Variants in CLHC1 observed in about 807,000 individuals in gnomAD.
The protein encoded by CLHC1 is clathrin heavy chain linker domain-containing protein 1.
In CLHC1, 72 loss-of-function variants were observed where a neutral mutation model predicts 69.5. The ratio of observed to expected loss-of-function variants is 1.04; its 90% CI spans 0.86 to 1.26. The LOEUF is 1.26. CLHC1 is among the 50% of genes most tolerant of loss of function. The probability of loss-of-function intolerance (pLI) is 0.00; values close to 1 mark genes in which losing one functional copy is unlikely to be tolerated. For synonymous variants in CLHC1, 223 were observed against 224.3 expected (o/e 0.99, Z 0.05); for missense variants, 790 against 679.3 (o/e 1.16, Z -1.81).
At chr2:55,192,886 GA>G (rs1671059878) in intron 9 of CLHC1, among the ~76,000 whole-genome samples, 1 of 146,858 alleles carries the variant, frequency 6.8e-6, no homozygotes, top group African/African-American at 2.5e-5. Flanking sequence ...AGATCTCTGT[GA>G]CTTTTTTTTT....
intron 11 of CLHC1, among the ~76,000 whole-genome samples, chr2:55,178,882 T>G (rs1421451316): frequency 6.6e-6 from 1 of 151,182 alleles, no homozygotes; most frequent in African/African-American, 2.4e-5. Context: ...TCCCTTTTTC[T>G]TACTACATTT....
At chr2:55,220,608 A>G (rs1177768098) in intron 3 of CLHC1, among the ~76,000 whole-genome samples, 1 of 152,174 alleles carries the variant, frequency 6.6e-6, no homozygotes, top group East Asian at 1.9e-4. Context: ...TTTCTCTAGG[A>G]ATTAAATTTA....
At chr2:55,178,711 C>T (rs13013134) in intron 11 of CLHC1, among the ~76,000 whole-genome samples, 2 of 151,620 alleles carry the variant, frequency 1.3e-5, no homozygotes, top group East Asian at 1.9e-4. Context: ...TATTATTTTG[C>T]GGCCACAATA....
At chr2:55,229,150 C>CAAAAAAAA (rs34823201) in intron 1 of CLHC1, among the ~76,000 whole-genome samples, 5 of 108,208 alleles carry the variant, frequency 4.6e-5, no homozygotes, top group Admixed American at 1.1e-4. Context: ...GATTCTGTCT[C>CAAAAAAAA]AAAAAAAAAA....
intron 9 of CLHC1, among the ~76,000 whole-genome samples, chr2:55,190,749 C>T (rs1239486554): frequency 6.6e-6 from 1 of 152,118 alleles, no homozygotes; most frequent in East Asian, 1.9e-4. Context: ...CAACTTCAGG[C>T]ATATAACTGA....
chr2:55,226,491 G>A (rs1215142404), intron 2 of CLHC1, among the ~76,000 whole-genome samples: 2 of 152,024 alleles, frequency 1.3e-5, no homozygotes, highest in African/African-American at 4.8e-5. Flanking sequence ...ATATTCAGTT[G>A]TGCATCCCAT....
chr2:55,208,582 G>T (rs1573709650), intron 8 of CLHC1, 44 bp downstream of exon 8: 1 of 1,253,270 alleles, frequency 8.0e-7, no homozygotes. Flanking sequence ...AAGAATCTAT[G>T]AAAAAATATA....
chr2:55,182,320 C>G (rs1670010769), intron 9 of CLHC1, among the ~76,000 whole-genome samples: 1 of 152,070 alleles, frequency 6.6e-6, no homozygotes, highest in South Asian at 2.1e-4. Context: ...GAAAATAATT[C>G]AATGAGGATG....
intron 3 of CLHC1, among the ~76,000 whole-genome samples, chr2:55,221,618 T>C (rs1272578613): frequency 6.6e-6 from 1 of 152,228 alleles, no homozygotes; most frequent in Non-Finnish European, 1.5e-5. Context: ...AATCAGATGA[T>C]ACTTTTAGAT....
chr2:55,202,482 G>A (rs549258489), intron 9 of CLHC1, among the ~76,000 whole-genome samples: 1 of 151,734 alleles, frequency 6.6e-6, no homozygotes, highest in South Asian at 2.1e-4. Context: ...CTTGAACCCA[G>A]GAGGCGGAGT....
In CLHC1 at chr2:55,206,118, TC is replaced by T. The variant is rs564433035; in HGVS notation, c.1006+151del. On this transcript the variant is annotated intron_variant, in intron 9 of 12. Transcript: ENST00000401408. ...ATGTAATTTAGAAAATCTAATCAAA[TC>T]CCTAATGTTACTGCTAAGCAAACTG... The T allele has an allele frequency of 6.4e-5, 37 of 575,198 alleles. No individual in the cohort carries two copies. In the African/African-American group the frequency reaches 6.5e-4, roughly 10 times the overall value. The allele number at this position is 575,198 out of a possible 1,614,324, so 35.6% of individuals were successfully genotyped here. A position where few individuals can be genotyped will look rare whatever the true frequency, so the allele number is the denominator to read the frequency against.
At chr2:55,206,571 G>GT (rs920666052) in intron 8 of CLHC1, among the ~76,000 whole-genome samples, 195 bp from the exon 9 acceptor site, 1 of 151,828 alleles carries the variant, frequency 6.6e-6, no homozygotes, top group Non-Finnish European at 1.5e-5. Flanking sequence ...ACTCTGTTGG[G>GT]TTTTTTTTAA....
chr2:55,224,673 A>G, intron 2 of CLHC1: 1 of 232,676 alleles, frequency 4.3e-6, no homozygotes, highest in South Asian at 5.4e-5. Flanking sequence ...CTGGCGGTCC[A>G]GGAGAAGCTG....
intron 9 of CLHC1, among the ~76,000 whole-genome samples, chr2:55,201,583 C>A (rs1280490970): frequency 2.0e-5 from 3 of 152,074 alleles, no homozygotes; most frequent in Non-Finnish European, 4.4e-5. Flanking sequence ...CTCTACCAAA[C>A]ATCTAAAAAA....
chr2:55,202,340 G>A (rs1332406630), intron 9 of CLHC1, among the ~76,000 whole-genome samples: 4 of 151,412 alleles, frequency 2.6e-5, no homozygotes, highest in Admixed American at 6.6e-5. Context: ...CGGATCACCT[G>A]AGGTCAGGAG....
chr2:55,210,221 G>C (rs1672854211), intron 5 of CLHC1, among the ~76,000 whole-genome samples: 1 of 150,902 alleles, frequency 6.6e-6, no homozygotes, highest in Admixed American at 6.6e-5. Flanking sequence ...TTTTGAGATG[G>C]AGTCGCACTC....
At chr2:55,181,134 C>G (rs1669896546) in intron 10 of CLHC1, among the ~76,000 whole-genome samples, 1 of 152,140 alleles carries the variant, frequency 6.6e-6, no homozygotes, top group African/African-American at 2.4e-5. Flanking sequence ...CCGTGCGCCA[C>G]CATGCCTGGC....
At chr2:55,212,883 T>A (rs572536808) in intron 4 of CLHC1, 77 bp from the exon 5 acceptor site, 4 of 1,115,608 alleles carry the variant, frequency 3.6e-6, no homozygotes, top group South Asian at 2.6e-5. Context: ...TCAAACAGGT[T>A]AAATCATTAC....
chr2:55,226,200 AAAAAGAG>A (rs1674690013), intron 2 of CLHC1, among the ~76,000 whole-genome samples: 1 of 152,076 alleles, frequency 6.6e-6, no homozygotes, highest in South Asian at 2.1e-4. Flanking sequence ...TCAAAAAAAA[AAAAAGAG>A]AAAGAGTTTT....
Sources: gnomAD v4.1 joint callset for allele counts (sites outside exome capture counted in the v4.1 genomes callset) on GRCh38, gnomAD v4.1.1 for gene constraint, MANE v1.5 for transcripts, NCBI Gene and HGNC (gene_info 2026-07-23, HGNC 2026-07-21) for gene names.